Variants in SRGAP2 observed in about 807,000 individuals in gnomAD.
SRGAP2 encodes the protein SLIT-ROBO Rho GTPase activating protein 2.
SRGAP2 carries 15 observed loss-of-function variants against 57.2 expected under a neutral mutation model. The ratio of observed to expected loss-of-function variants is 0.26; its 90% CI spans 0.18 to 0.40. SRGAP2 has a LOEUF of 0.40. Among genes scored for constraint, SRGAP2 ranks in the 10% least tolerant of loss-of-function variants. The probability of loss-of-function intolerance (pLI) is 1.00; values close to 1 mark genes in which losing one functional copy is unlikely to be tolerated. For synonymous variants in SRGAP2, 249 were observed against 248.0 expected (o/e 1.00, Z -0.04); for missense variants, 520 against 669.6 (o/e 0.78, Z 2.47).
chr1:206,394,437 A>T (rs1259833683), intron 7 of SRGAP2, among the ~76,000 whole-genome samples: 1 of 152,180 alleles, frequency 6.6e-6, no homozygotes, highest in Non-Finnish European at 1.5e-5. Flanking sequence ...TTACAATGCC[A>T]TCCCTTATAT....
intron 22 of SRGAP2, among the ~76,000 whole-genome samples, chr1:206,460,516 C>T (rs80081951): frequency 6.6e-6 from 1 of 152,238 alleles, no homozygotes; most frequent in East Asian, 1.9e-4. Flanking sequence ...GCTCCTGAAA[C>T]TTTCCTCAGC....
At chr1:206,390,913 G>T (rs1428136141) in intron 5 of SRGAP2, among the ~76,000 whole-genome samples, 1 of 152,058 alleles carries the variant, frequency 6.6e-6, no homozygotes, top group Non-Finnish European at 1.5e-5. Flanking sequence ...AGACTCTAAT[G>T]TACTTTGATT....
At chr1:206,459,362 AT>A (rs1420454120) in intron 22 of SRGAP2, among the ~76,000 whole-genome samples, 1 of 149,770 alleles carries the variant, frequency 6.7e-6, no homozygotes, top group African/African-American at 2.6e-5. Flanking sequence ...CATCATCCCG[AT>A]TCCTAAGGCT....
intron 4 of SRGAP2, among the ~76,000 whole-genome samples, chr1:206,375,429 A>G (rs1655107690): frequency 6.6e-6 from 1 of 152,114 alleles, no homozygotes; most frequent in Non-Finnish European, 1.5e-5. Context: ...GCCTGAAGAC[A>G]TTACGCCCCC....
chr1:206,374,019 C>CTTT (rs56021600), intron 4 of SRGAP2, among the ~76,000 whole-genome samples: 1,269 of 76,944 alleles, frequency 0.016, 77 homozygotes, highest in African/African-American at 0.041. Context: ...GATACACATT[C>CTTT]TTTTTTTTTT....
chr1:206,323,568 C>CCAGCATCAGCATCAGCAT (rs139398330), intron 3 of SRGAP2, among the ~76,000 whole-genome samples: 1 of 150,934 alleles, frequency 6.6e-6, no homozygotes, highest in Admixed American at 6.6e-5. Flanking sequence ...AACCAAGAAT[C>CCAGCATCAGCATCAGCAT]CAGCATCAGC....
chr1:206,366,652 C>T (rs1390335214), intron 4 of SRGAP2, among the ~76,000 whole-genome samples: 4 of 152,004 alleles, frequency 2.6e-5, no homozygotes, highest in Non-Finnish European at 5.9e-5. Flanking sequence ...GATCAAGAAG[C>T]GATTTCCTTT....
chr1:206,332,903 A>G (rs1553332348), intron 3 of SRGAP2, among the ~76,000 whole-genome samples: 1 of 151,006 alleles, frequency 6.6e-6, no homozygotes, highest in African/African-American at 2.4e-5. Context: ...TAGAGTTTCC[A>G]GTTTTTCTGT....
At chr1:206,292,489 T>A (rs1231624833) in intron 2 of SRGAP2, among the ~76,000 whole-genome samples, 6 of 151,508 alleles carry the variant, frequency 4.0e-5, no homozygotes, top group African/African-American at 1.5e-4. Flanking sequence ...GGTAGTTGTG[T>A]TCATCTGGGG....
At chr1:206,326,472 C>T (rs543534781) in intron 3 of SRGAP2, among the ~76,000 whole-genome samples, 4 of 152,310 alleles carry the variant, frequency 2.6e-5, no homozygotes, top group South Asian at 2.1e-4. Context: ...AATAGCTCTG[C>T]GCTCTGGGGC....
chr1:206,414,954 G>T (rs1659558123), intron 10 of SRGAP2, among the ~76,000 whole-genome samples: 1 of 152,188 alleles, frequency 6.6e-6, no homozygotes, highest in South Asian at 2.1e-4. Context: ...GATGGATGGG[G>T]CATTTTGTCG....
chr1:206,206,299 C>G lies in SRGAP2; in HGVS notation c.67+262C>G, dbSNP rs529141353. 15 of 467,386 alleles carry G rather than the reference C, an allele frequency of 3.2e-5. 1 individual carries two copies. The highest frequency in any genetic ancestry group is 1.7e-4 in the East Asian group (5 of 29,158). 29.0% of individuals were successfully genotyped at this position (467,386 alleles called of 1,614,324 possible). The stretch of plus-strand genomic sequence containing the variant: ...CATGATTTTGGCAGCCCTTTCCCCC[C>G]CAAGCCGGACAGGGTGGGGGGAGGG... On this transcript the variant is annotated intron_variant, in intron 2 of 22. Transcript: ENST00000573034.
At chr1:206,243,665 A>G (rs1262847785) in intron 2 of SRGAP2, among the ~76,000 whole-genome samples, 1 of 152,164 alleles carries the variant, frequency 6.6e-6, no homozygotes, top group East Asian at 1.9e-4. Context: ...TCTAGAGAGA[A>G]AGGGCAGATG....
At chr1:206,432,637 A>G (rs1661374140) in intron 14 of SRGAP2, among the ~76,000 whole-genome samples, 1 of 152,230 alleles carries the variant, frequency 6.6e-6, no homozygotes, top group African/African-American at 2.4e-5. Context: ...TTCCCAGGAT[A>G]TGTTGTTAAG....
intron 7 of SRGAP2, among the ~76,000 whole-genome samples, chr1:206,395,907 C>T (rs1657534022): frequency 1.3e-5 from 2 of 149,224 alleles, no homozygotes; most frequent in Admixed American, 1.3e-4. Flanking sequence ...AAGAGGCTGC[C>T]TTAGTACTTG....
chr1:206,286,944 G>A (rs1178707568), intron 2 of SRGAP2, among the ~76,000 whole-genome samples: 80 of 152,154 alleles, frequency 5.3e-4, no homozygotes, highest in Admixed American at 6.5e-4. Flanking sequence ...GAGCAGGGCT[G>A]CAGTGTGGAG....
chr1:206,246,946 ATGTTTATGGGTGAACCC>A (rs1219899726), intron 2 of SRGAP2, among the ~76,000 whole-genome samples: 2 of 127,708 alleles, frequency 1.6e-5, no homozygotes, highest in African/African-American at 3.0e-5. Flanking sequence ...GGCAGATAAG[ATGTTTATGGGTGAACCC>A]TGTTTCATTT....
intron 2 of SRGAP2, among the ~76,000 whole-genome samples, chr1:206,273,647 A>G (rs1258469339): frequency 6.7e-6 from 1 of 149,930 alleles, no homozygotes; most frequent in South Asian, 2.1e-4. Flanking sequence ...ATATCACTTC[A>G]GTTTCAGACT....
intron 2 of SRGAP2, among the ~76,000 whole-genome samples, chr1:206,213,495 A>G (rs1388468729): frequency 6.6e-6 from 1 of 152,156 alleles, no homozygotes; most frequent in Non-Finnish European, 1.5e-5. Context: ...CTCCAAGGAA[A>G]GTCAGGCTAA....
Sources: allele counts gnomAD v4.1 joint callset (sites outside exome capture counted in the v4.1 genomes callset), GRCh38; gene constraint gnomAD v4.1.1; transcripts MANE v1.5; gene names NCBI Gene and HGNC (gene_info 2026-07-23, HGNC 2026-07-21).